The following MRO variants were observed in gnomAD, a reference collection of about 807,000 sequenced individuals.
MRO encodes the protein protein maestro.
MRO carries 28 observed loss-of-function variants against 31.0 expected under a neutral mutation model. The ratio of observed to expected loss-of-function variants is 0.90; its 90% confidence interval spans 0.67 to 1.24. The LOEUF (loss-of-function observed/expected upper bound fraction) is 1.24. Among genes scored for constraint, MRO ranks in the 50% most tolerant of loss-of-function variants. MRO has a pLI of 0.00. For missense variants in MRO, 332 were observed against 289.2 expected (o/e 1.15, Z -1.07); for synonymous variants, 108 against 108.4 (o/e 1.00, Z 0.02).
intron 2 of MRO, chr18:50,815,262 A>T (rs1201399046): frequency 4.0e-6 from 1 of 250,820 alleles, no homozygotes; most frequent in Non-Finnish European, 8.2e-6. Context: ...TAAAGAGGTC[A>T]TGGAAGTGGA....
intron 2 of MRO, among the ~76,000 whole-genome samples, chr18:50,813,179 G>A (rs1388732513): frequency 6.6e-6 from 1 of 152,138 alleles, no homozygotes; most frequent in Non-Finnish European, 1.5e-5. Flanking sequence ...AACCCCAGGT[G>A]GATTTGCTCC....
chr18:50,799,259 C>A lies in MRO; in HGVS notation c.*78G>T. ...CCAAGAGGCAAGCAGTGAGAAGAGG[C>A]ATCCAGTGAGATAAAACAGGGGAAC... On this transcript the variant is annotated 3_prime_UTR_variant, in exon 8 of 8. Transcript: ENST00000398439. 3 of 1,265,384 alleles carry A rather than the reference C, an allele frequency of 2.4e-6. No homozygotes were observed. The highest frequency in any genetic ancestry group is 1.7e-5 in the Admixed American group (1 of 58,928). 78.4% of individuals were successfully genotyped at this position (1,265,384 alleles called of 1,614,324 possible).
In MRO at chr18:50,797,156, T is replaced by C. The variant is rs1346621679; in HGVS notation, c.*2181A>G. The C allele has an allele frequency of 3.9e-5, 6 of 152,216 alleles. No homozygotes were observed. Among genetic ancestry groups the C allele is most frequent in the African/African-American group, 1.2e-4 (5 of 41,446 alleles). 9.4% of individuals were successfully genotyped at this position (152,216 alleles called of 1,614,324 possible). A position where few individuals can be genotyped will look rare whatever the true frequency, so the allele number is the denominator to read the frequency against. ...TGGAGACGCTCGTCTCTTTTCCGTATGGTGTCAGCTGGAGTAGCTTCAACA... is the reference window on the plus strand; with the variant it reads ...TGGAGACGCTCGTCTCTTTTCCGTACGGTGTCAGCTGGAGTAGCTTCAACA... On this transcript the variant is annotated 3_prime_UTR_variant, in exon 8 of 8. Coordinates refer to ENST00000398439, the MANE Select transcript of MRO (RefSeq NM_031939.6).
At position 50,801,346 on chromosome 18, in the gene MRO, T is replaced by TA. The variant is rs1913290290; in HGVS notation, c.585+2dup. Reference sequence around the variant, plus strand: ...TCTGTTGGTTGCAGAGTCAAGGTCTTACCTTGGCAACCTGGGGATTTCTGT... The same window carrying TA: ...TCTGTTGGTTGCAGAGTCAAGGTCTTAACCTTGGCAACCTGGGGATTTCTGT... On this transcript the variant is annotated splice_region_variant and intron_variant, in intron 6 of 7. Transcript: ENST00000398439. The TA allele has an allele frequency of 4.4e-6, 7 of 1,575,538 alleles. No homozygotes were observed. The highest frequency in any genetic ancestry group is 6.0e-6 in the Non-Finnish European group (7 of 1,157,572).
In MRO at chr18:50,819,926, T is replaced by C. The variant is rs1915236850; in HGVS notation, c.-156A>G. 6.4e-7 allele frequency: 1 copy of C among 1,551,674 alleles called. No individual in the cohort carries two copies. Among genetic ancestry groups the C allele is most frequent in the African/African-American group, 1.4e-5 (1 of 73,134 alleles). ...GCTTCCCCACGCCATGCTGAGGTGT[T>C]TTTCCTTCTCCTTGCTGTGATTTCC... On this transcript the variant is annotated 5_prime_UTR_variant, in exon 1 of 8. Coordinates refer to ENST00000398439, the MANE Select transcript of MRO (RefSeq NM_031939.6).
intron 5 of MRO, among the ~76,000 whole-genome samples, chr18:50,802,658 A>G (rs1913460585): frequency 6.6e-6 from 1 of 152,184 alleles, no homozygotes; most frequent in African/African-American, 2.4e-5. Flanking sequence ...ATTGTGAAGT[A>G]TCTTTAAAAA....
At chr18:50,801,211 C>T in intron 6 of MRO, 138 bp downstream of exon 6, 1 of 712,478 alleles carries the variant, frequency 1.4e-6, no homozygotes, top group Non-Finnish European at 2.3e-6. Context: ...GGCACCTTGT[C>T]AAGGATGCAC....
At chr18:50,799,964 G>T in intron 7 of MRO, 72 bp downstream of exon 7, 1 of 1,026,398 alleles carries the variant, frequency 9.7e-7, no homozygotes, top group Non-Finnish European at 1.5e-6. Flanking sequence ...TCTTGTGCTT[G>T]GCCACCTTCC....
At chr18:50,807,607 C>CATCTACAAACATTTCAGCAA (rs1914073342) in intron 3 of MRO, among the ~76,000 whole-genome samples, 4 of 55,118 alleles carry the variant, frequency 7.3e-5, no homozygotes, top group South Asian at 7.0e-4. Context: ...CATTTCAGCA[C>CATCTACAAACATTTCAGCAA]TGATCTAGTA....
At chr18:50,805,592 T>C (rs1254053665) in intron 4 of MRO, among the ~76,000 whole-genome samples, 1 of 152,108 alleles carries the variant, frequency 6.6e-6, no homozygotes, top group African/African-American at 2.4e-5. Flanking sequence ...AGTGGGGCTC[T>C]TCAAATAGGG....
At chr18:50,802,281 C>T (rs1447726474) in intron 5 of MRO, among the ~76,000 whole-genome samples, 1 of 152,024 alleles carries the variant, frequency 6.6e-6, no homozygotes, top group Non-Finnish European at 1.5e-5. Flanking sequence ...CCCCCAACAC[C>T]CTCCCACCTC....
upstream of MRO, among the ~76,000 whole-genome samples, chr18:50,820,622 T>C (rs1004554098): frequency 6.6e-5 from 10 of 152,246 alleles, no homozygotes; most frequent in African/African-American, 2.4e-4. Context: ...AAATATTACA[T>C]AGACTATCTC....
chr18:50,824,459 CT>C (rs202196810), upstream of MRO, among the ~76,000 whole-genome samples: 162 of 131,230 alleles, frequency 1.2e-3, no homozygotes, highest in Middle Eastern at 7.7e-3. Context: ...TTTTTTCTTT[CT>C]TTTTTTTTTT....
At position 50,802,916 on chromosome 18, in the gene MRO, A is replaced by ATGTGT. The variant is rs1913512232; in HGVS notation, c.430-1413_430-1412insACACA. On this transcript the variant is annotated intron_variant, in intron 5 of 7. Transcript: ENST00000398439. ...TGAGTGTTTGTGTATGTGTGTGTGT[A>ATGTGT]GTGTGTGTGTGTGTGTGTGTGTGTG... 2.6e-3 allele frequency among the ~76,000 whole-genome samples: 383 copies of ATGTGT among 144,712 alleles called. 3 individuals carry two copies. Among genetic ancestry groups the ATGTGT allele is most frequent in the African/African-American group, 9.7e-3 (363 of 37,378 alleles). 94.9% of individuals were successfully genotyped at this position (144,712 alleles called of 152,430 possible).
At position 50,800,129 on chromosome 18, in the gene MRO, T is replaced by C; in HGVS notation, c.600A>G (p.Thr200=). 2 of 1,610,254 alleles carry C rather than the reference T, an allele frequency of 1.2e-6. No individual in the cohort carries two copies. The highest frequency in any genetic ancestry group is 2.2e-5 in the East Asian group (1 of 44,810). ...NPQVAKACKT[T]FQACSPYLKL... ...TCAGATATGGAGAACAGGCTTGAAA[T>C]GTTGTTTTGCAAGCCTGAGAAAAAT... Residue 200 remains threonine, a synonymous_variant, in exon 7 of 8, where the codon ACA becomes ACG. Transcript: ENST00000398439.
At chr18:50,816,163 C>G (rs1359088997) in intron 2 of MRO, 1 of 152,738 alleles carries the variant, frequency 6.5e-6, no homozygotes, top group African/African-American at 2.4e-5. Context: ...AACTAAAAAT[C>G]TGCCACGGAA....
chr18:50,820,190 TGG>T, upstream of MRO: 4 of 581,540 alleles, frequency 6.9e-6, no homozygotes, highest in Non-Finnish European at 1.2e-5. Context: ...AATCTAAGGA[TGG>T]GACACTGTGT....
chr18:50,801,482 G>T lies in MRO; in HGVS notation c.452C>A (p.Ser151Ter). The change falls in exon 6 of 8, where the codon TCG becomes TAG. Residue 151 changes from serine to a stop codon, truncating the protein, a stop_gained. Transcript: ENST00000398439. LOFTEE classifies it high-confidence loss of function. ...CAATTGCCCAAACAAAACAAAGGCC[G>T]AGTATCTCAGACTGTCGTTCTCCTG... Reference protein sequence around the residue: ...LDDENDSLRYSAFVLFGQLAA... With the variant: ...LDDENDSLRY 1 of 1,606,162 alleles carries T rather than the reference G, an allele frequency of 6.2e-7. No homozygotes were observed. Among genetic ancestry groups the T allele is most frequent in the South Asian group, 1.1e-5 (1 of 89,504 alleles).
chr18:50,802,672 T>C (rs555317244), intron 5 of MRO, among the ~76,000 whole-genome samples: 3 of 152,300 alleles, frequency 2.0e-5, no homozygotes, highest in African/African-American at 7.2e-5. Flanking sequence ...TTAAAAAATT[T>C]AGCACATGAT....
Sources: allele counts gnomAD v4.1 joint callset (sites outside exome capture counted in the v4.1 genomes callset), GRCh38; gene constraint gnomAD v4.1.1; transcripts MANE v1.5; gene names NCBI Gene and HGNC (gene_info 2026-07-23, HGNC 2026-07-21).